PHF3: variants seen among roughly 807,000 people sequenced by gnomAD.
PHF3 encodes PHD finger protein 3.
PHF3 carries 41 observed loss-of-function variants against 178.4 expected under a neutral mutation model. The ratio of observed to expected loss-of-function variants is 0.23; its 90% CI spans 0.18 to 0.30. The LOEUF is 0.30. PHF3 is among the 10% of genes least tolerant of loss of function. The probability of loss-of-function intolerance (pLI) is 1.00; values close to 1 mark genes in which losing one functional copy is unlikely to be tolerated. For synonymous variants in PHF3, 842 were observed against 800.5 expected, an observed-to-expected ratio of 1.05 and a Z score of -0.88; for missense variants, 2,346 against 2,398.1, an observed-to-expected ratio of 0.98 and a Z score of 0.45.
rs554523412 is a variant in PHF3 at position 63,661,185 on chromosome 6, A to T, written c.244+14390A>T. On this transcript the variant is annotated intron_variant, in intron 2 of 15. Transcript: ENST00000262043. ...GAGGTTTAGCCATACTTTAATTATTAAAGATATTTAAATAATTTACCTCCA... is the reference window on the plus strand; with the variant it reads ...GAGGTTTAGCCATACTTTAATTATTTAAGATATTTAAATAATTTACCTCCA... Among the ~76,000 whole-genome samples, 3 of 152,300 alleles carry T rather than the reference A, an allele frequency of 2.0e-5. No individual in the cohort carries two copies. In the South Asian group the frequency reaches 6.2e-4, roughly 32 times the overall value.
chr6:63,649,364 T>G (rs764210800), intron 2 of PHF3, among the ~76,000 whole-genome samples: 13 of 152,204 alleles, frequency 8.5e-5, no homozygotes, highest in Non-Finnish European at 1.3e-4. Flanking sequence ...GATTGTTGTT[T>G]CTGGCACAAT....
At chr6:63,708,758 T>C (rs1315316024) in intron 13 of PHF3, among the ~76,000 whole-genome samples, 1 of 152,214 alleles carries the variant, frequency 6.6e-6, no homozygotes, top group African/African-American at 2.4e-5. Flanking sequence ...AATTCAGCTG[T>C]TAATTATTAA....
intron 2 of PHF3, among the ~76,000 whole-genome samples, chr6:63,655,858 G>A (rs148941690): frequency 3.2e-4 from 48 of 152,208 alleles, no homozygotes; most frequent in Middle Eastern, 6.8e-3. Context: ...GCCCAGGCTG[G>A]TCTTGAACTC....
In PHF3 at chr6:63,721,288, A is replaced by C; in HGVS notation, c.*7580A>C. 2 of 1,551,992 alleles carry C rather than the reference A, an allele frequency of 1.3e-6. No individual in the cohort carries two copies. The highest frequency in any genetic ancestry group is 1.7e-6 in the Non-Finnish European group (2 of 1,147,016). On this transcript the variant is annotated 3_prime_UTR_variant, in exon 16 of 16. Transcript: ENST00000262043. ...TGGAGGCAAAGATTATTCAAACAGGACACAGACTGGTTACATGTATTTCCA... is the reference window on the plus strand; with the variant it reads ...TGGAGGCAAAGATTATTCAAACAGGCCACAGACTGGTTACATGTATTTCCA...
rs911735947 is a variant in PHF3, at chr6:63,692,062, C to T, written c.2496+19C>T. 1.9e-6 allele frequency: 3 copies of T among 1,548,628 alleles called. No individual in the cohort carries two copies. The highest frequency in any genetic ancestry group is 1.9e-5 in the Admixed American group (1 of 52,532). ...AAAACGGGTGAGCTCTTCATTAATG[C>T]ATTATTTTGTTTATTTAAGAGCTTT... On this transcript the variant is annotated intron_variant, in intron 5 of 15. Coordinates refer to ENST00000262043, the MANE Select transcript of PHF3 (RefSeq NM_001370348.2).
chr6:63,636,449 C>T (rs1581977291), intron 1 of PHF3: 1 of 152,320 alleles, frequency 6.6e-6, no homozygotes, highest in East Asian at 1.9e-4. Context: ...CCACTGGTAC[C>T]CAGCCGTCTG....
rs746794283 is a variant in PHF3 at position 63,679,977 on chromosome 6, AT to A, written c.245-16del. 6 of 1,598,194 alleles carry A rather than the reference AT, an allele frequency of 3.8e-6. No homozygotes were observed. Among genetic ancestry groups the A allele is most frequent in the Non-Finnish European group, 4.3e-6 (5 of 1,169,344 alleles). On this transcript the variant is annotated intron_variant, in intron 2 of 15. Transcript: ENST00000262043. ...ACATTCCCAATATTTTTAAAAGTTA[AT>A]TTTTTTGTCGTTTTTTTCTAGTTGT...
rs1767954430 is a variant in PHF3 at position 63,712,135 on chromosome 6, C to A, written c.4547C>A (p.Thr1516Asn). Residue 1516 changes from threonine to asparagine, a missense_variant, in exon 16 of 16, where the codon ACT becomes AAT. Thr to Asn is a moderately conservative substitution (Grantham distance 65, BLOSUM62 0). Coordinates refer to ENST00000262043, the MANE Select transcript of PHF3 (RefSeq NM_001370348.2). ...KIEKTDNVEV[T>N]DGENKEIKVK... ...GAGAAAACAGATAATGTGGAAGTAA[C>A]TGATGGTGAAAACAAGGAGATAAAA... The A allele has an allele frequency of 6.2e-7, 1 of 1,613,198 alleles. No homozygotes were observed. Among genetic ancestry groups the A allele is most frequent in the African/African-American group, 1.3e-5 (1 of 74,828 alleles).
chr6:63,671,972 C>G (rs1171383531), intron 2 of PHF3, among the ~76,000 whole-genome samples: 1 of 151,806 alleles, frequency 6.6e-6, no homozygotes, highest in African/African-American at 2.4e-5. Context: ...GTCTTGATCT[C>G]CTGATCTCAT....
rs1768337782 is a variant in PHF3, at chr6:63,720,648, T to C, written c.*6940T>C. On this transcript the variant is annotated 3_prime_UTR_variant, in exon 16 of 16. Transcript: ENST00000262043. ...ATCATAAACATTGTATCCTTCTAAT[T>C]TAATTAGTTCAATGTTTTTTGGTTC... The C allele has an allele frequency of 1.5e-5, 23 of 1,531,716 alleles. No individual in the cohort carries two copies. Among genetic ancestry groups the C allele is most frequent in the Non-Finnish European group, 1.9e-5 (22 of 1,138,368 alleles). The allele number at this position is 1,531,716 out of a possible 1,614,324, so 94.9% of individuals were successfully genotyped here. A position where few individuals can be genotyped will look rare whatever the true frequency, so the allele number is the denominator to read the frequency against.
At chr6:63,656,113 T>C (rs1271764746) in intron 2 of PHF3, among the ~76,000 whole-genome samples, 6 of 152,198 alleles carry the variant, frequency 3.9e-5, no homozygotes, top group African/African-American at 1.2e-4. Flanking sequence ...AAATCCAGAG[T>C]AGGGAATTTC....
rs538455688 is a variant in PHF3 at position 63,688,135 on chromosome 6, G to A, written c.2189+2224G>A. 6.5e-5 allele frequency among the ~76,000 whole-genome samples: 9 copies of A among 138,632 alleles called. No homozygotes were observed. In the South Asian group the frequency reaches 1.9e-3, roughly 29 times the overall value. The allele number at this position is 138,632 out of a possible 152,430, so 90.9% of individuals were successfully genotyped here. ...CGGGAGGCGGAGCTTGCAGTGAGCC[G>A]AGATCATGCTACTCCACTTCAGCCT... On this transcript the variant is annotated intron_variant, in intron 4 of 15. Coordinates refer to ENST00000262043, the MANE Select transcript of PHF3 (RefSeq NM_001370348.2).
intron 2 of PHF3, among the ~76,000 whole-genome samples, chr6:63,654,261 G>T (rs760314045): frequency 1.3e-5 from 2 of 152,080 alleles, no homozygotes; most frequent in African/African-American, 2.4e-5. Flanking sequence ...TTTGATGGGA[G>T]ACTTATTATT....
intron 2 of PHF3, among the ~76,000 whole-genome samples, chr6:63,665,798 T>C (rs1765659053): frequency 6.6e-6 from 1 of 152,188 alleles, no homozygotes; most frequent in South Asian, 2.1e-4. Flanking sequence ...CTAAAATTAC[T>C]GTAAACAGTC....
At chr6:63,647,010 C>T (rs1764819065) in intron 2 of PHF3, among the ~76,000 whole-genome samples, 1 of 150,178 alleles carries the variant, frequency 6.7e-6, no homozygotes. Flanking sequence ...TGGAGTTATC[C>T]TCAAGGATAT....
At chr6:63,648,551 A>G (rs1429664355) in intron 2 of PHF3, among the ~76,000 whole-genome samples, 1 of 152,038 alleles carries the variant, frequency 6.6e-6, no homozygotes, top group South Asian at 2.1e-4. Context: ...TTAAAAATTG[A>G]TTTCTGTTGA....
chr6:63,666,151 A>G (rs1270397454), intron 2 of PHF3, among the ~76,000 whole-genome samples: 1 of 152,206 alleles, frequency 6.6e-6, no homozygotes, highest in East Asian at 1.9e-4. Flanking sequence ...AGCTGCTATA[A>G]GGATGTCTTT....
chr6:63,693,855 A>C (rs1023551548), intron 5 of PHF3, among the ~76,000 whole-genome samples: 5 of 152,086 alleles, frequency 3.3e-5, no homozygotes, highest in African/African-American at 1.2e-4. Flanking sequence ...CTATTTATTG[A>C]GTTTCTGTTG....
Position 63,684,222 on chromosome 6 carries a change from C to A in PHF3, c.500C>A (p.Ser167Tyr), listed in dbSNP as rs1766567535. Residue 167 changes from serine (S) to tyrosine (Y), a missense_variant, in exon 4 of 16, where the codon TCT becomes TAT. Physicochemically the swap from Ser to Tyr is moderately radical, Grantham distance 144. This residue lies in a region of PHF3 where 843 missense variants were observed against 795.2 expected (regional missense o/e 1.06). Coordinates refer to ENST00000262043, the MANE Select transcript of PHF3 (RefSeq NM_001370348.2). Reference sequence around the variant, plus strand: ...AAAAAAGCATCTGGGAAGACTGTATCTACTGCTAAAGCAGGAGTGAAACAA... The same window carrying A: ...AAAAAAGCATCTGGGAAGACTGTATATACTGCTAAAGCAGGAGTGAAACAA... Reference protein sequence around the residue: ...NTKKASGKTVSTAKAGVKQPE... With the variant: ...NTKKASGKTVYTAKAGVKQPE... 6.2e-7 allele frequency: 1 copy of A among 1,613,852 alleles called. No homozygotes were observed. The highest frequency in any genetic ancestry group is 8.5e-7 in the Non-Finnish European group (1 of 1,179,908).
Sources: gnomAD v4.1 joint callset for allele counts (sites outside exome capture counted in the v4.1 genomes callset) on GRCh38, gnomAD v4.1.1 for gene constraint, gnomAD v4.1.1 regional missense constraint, MANE v1.5 for transcripts, NCBI Gene and HGNC (gene_info 2026-07-23, HGNC 2026-07-21) for gene names.